Variants in RAB12 observed in about 807,000 individuals in gnomAD.
RAB12 encodes the protein RAB12, member RAS oncogene family.
In RAB12, 11 loss-of-function variants were observed where a neutral mutation model predicts 28.4. The ratio of observed to expected loss-of-function variants is 0.39; its 90% CI spans 0.24 to 0.64. RAB12 has a LOEUF of 0.64. RAB12 is among the 30% of genes least tolerant of loss of function. RAB12 has a pLI of 0.50. For missense variants in RAB12, 276 were observed against 351.1 expected (o/e 0.79, Z 1.71); for synonymous variants, 138 against 145.3 (o/e 0.95, Z 0.36).
intron 3 of RAB12, chr18:8,635,245 T>A (rs1367161457): frequency 9.7e-6 from 2 of 206,806 alleles, no homozygotes; most frequent in African/African-American, 4.7e-5. Context: ...GTGTAGAGCT[T>A]TGCCTGTATG....
At chr18:8,634,627 C>T (rs114493835) in intron 3 of RAB12, among the ~76,000 whole-genome samples, 1,620 of 152,134 alleles carry the variant, frequency 0.011, 27 homozygotes, top group African/African-American at 0.035. Context: ...TGCTGTCTTC[C>T]TTTTGTCATC....
intron 1 of RAB12, among the ~76,000 whole-genome samples, chr18:8,619,217 C>T (rs964688992): frequency 6.6e-6 from 1 of 152,116 alleles, no homozygotes. Flanking sequence ...TTTGGTGGAA[C>T]GAGGAGAAGT....
chr18:8,612,884 C>T (rs906027343), intron 1 of RAB12, among the ~76,000 whole-genome samples: 7 of 152,140 alleles, frequency 4.6e-5, no homozygotes, highest in African/African-American at 1.7e-4. Context: ...AGGCTGGTCT[C>T]AAACTCCTAG....
At chr18:8,612,931 A>T (rs2096004645) in intron 1 of RAB12, among the ~76,000 whole-genome samples, 1 of 152,244 alleles carries the variant, frequency 6.6e-6, no homozygotes, top group Admixed American at 6.5e-5. Flanking sequence ...CTCAGATTAC[A>T]GGCGTAAGCC....
chr18:8,631,348 A>G (rs1297280773), intron 2 of RAB12, among the ~76,000 whole-genome samples: 2 of 152,220 alleles, frequency 1.3e-5, no homozygotes, highest in Non-Finnish European at 2.9e-5. Flanking sequence ...ACAGCCTACC[A>G]TAGAGGTGTT....
rs779590155 is a variant in RAB12, at chr18:8,636,391, C to T, written c.909+34C>T. On this transcript the variant is annotated intron_variant, in intron 5 of 5. Transcript: ENST00000649141. Reference sequence around the variant, plus strand: ...AAGAATCTACATTATAAAAGTATATCATCTGAAACCTGTTGTTTCCTTTAT... The same window carrying T: ...AAGAATCTACATTATAAAAGTATATTATCTGAAACCTGTTGTTTCCTTTAT... The T allele has an allele frequency of 4.8e-6, 6 of 1,248,290 alleles. No individual in the cohort carries two copies. The South Asian group carries it at 8.2e-5, about 17-fold the overall frequency. The allele number at this position is 1,248,290 out of a possible 1,614,324, so 77.3% of individuals were successfully genotyped here.
chr18:8,609,672 G>A lies in RAB12; in HGVS notation c.233G>A (p.Arg78His). ...EAEGAPGPGA[R>H]SRGAGGGGRR... Reference sequence around the variant, plus strand: ...GAGGGGGCGCCGGGGCCCGGGGCGCGCAGCCGGGGGGCGGGCGGCGGCGGG... The same window carrying A: ...GAGGGGGCGCCGGGGCCCGGGGCGCACAGCCGGGGGGCGGGCGGCGGCGGG... Residue 78 changes from arginine to histidine, a missense_variant, in exon 1 of 6, where the codon CGC (arginine) becomes CAC (histidine). Around this residue, in one of 4 missense-constraint regions of RAB12, gnomAD observed 72 missense variants for 55.5 expected, o/e 1.30. Transcript: ENST00000649141. 1 of 906,466 alleles carries A rather than the reference G, an allele frequency of 1.1e-6. No homozygotes were observed. Among genetic ancestry groups the A allele is most frequent in the African/African-American group, 1.8e-5 (1 of 54,974 alleles). 56.2% of individuals were successfully genotyped at this position (906,466 alleles called of 1,614,324 possible).
At chr18:8,636,060 T>C (rs1353998075) in intron 4 of RAB12, 193 bp from the exon 5 acceptor site, 2 of 557,564 alleles carry the variant, frequency 3.6e-6, no homozygotes, top group African/African-American at 3.8e-5. Flanking sequence ...TCAGGATTTT[T>C]ATTGTCTTTT....
At chr18:8,629,715 G>T in intron 2 of RAB12, among the ~76,000 whole-genome samples, 1 of 152,316 alleles carries the variant, frequency 6.6e-6, no homozygotes, top group South Asian at 2.1e-4. Context: ...TTTGGTGGCA[G>T]GTCTCCTCTG....
chr18:8,622,995 A>G (rs796401388), intron 1 of RAB12, among the ~76,000 whole-genome samples: 33 of 152,324 alleles, frequency 2.2e-4, no homozygotes, highest in African/African-American at 6.5e-4. Flanking sequence ...TTGTTCCCTG[A>G]ACATTGCTGT....
At position 8,636,365 on chromosome 18, in the gene RAB12, A is replaced by C. The variant is rs1567897956; in HGVS notation, c.909+8A>C. Reference sequence around the variant, plus strand: ...GATGACATTCTGAAAAAGGTAAAAAAAAGAATCTACATTATAAAAGTATAT... The same window carrying C: ...GATGACATTCTGAAAAAGGTAAAAACAAGAATCTACATTATAAAAGTATAT... On this transcript the variant is annotated splice_region_variant and intron_variant, in intron 5 of 5. Coordinates refer to ENST00000649141, the MANE Select transcript of RAB12 (RefSeq NM_001025300.3). The C allele has an allele frequency of 3.3e-6, 5 of 1,500,032 alleles. No homozygotes were observed. In the Admixed American group the frequency reaches 8.8e-5, roughly 26 times the overall value. The allele number at this position is 1,500,032 out of a possible 1,614,324, so 92.9% of individuals were successfully genotyped here. A position where few individuals can be genotyped will look rare whatever the true frequency, so the allele number is the denominator to read the frequency against.
At position 8,635,693 on chromosome 18, in the gene RAB12, AT is replaced by A. The variant is rs1172994546; in HGVS notation, c.804+73del. The A allele has an allele frequency of 4.4e-6, 4 of 911,636 alleles. No homozygotes were observed. In the African/African-American group the frequency reaches 6.9e-5, roughly 16 times the overall value. 56.5% of individuals were successfully genotyped at this position (911,636 alleles called of 1,614,324 possible). On this transcript the variant is annotated intron_variant, in intron 4 of 5. Transcript: ENST00000649141. Reference sequence around the variant, plus strand: ...CTTGAGGTACTGTTTCTTTTAATAAATTACTTATTTTAAAAATTACAAAGAA... The same window carrying A: ...CTTGAGGTACTGTTTCTTTTAATAAATACTTATTTTAAAAATTACAAAGAA...
intron 1 of RAB12, among the ~76,000 whole-genome samples, chr18:8,623,265 T>C (rs1346006221): frequency 6.6e-6 from 1 of 152,204 alleles, no homozygotes; most frequent in African/African-American, 2.4e-5. Flanking sequence ...TAAGAAATTA[T>C]AAAAGTATTA....
At chr18:8,610,876 G>A (rs781088920) in intron 1 of RAB12, among the ~76,000 whole-genome samples, 2 of 152,162 alleles carry the variant, frequency 1.3e-5, no homozygotes, top group Non-Finnish European at 2.9e-5. Context: ...CAGGAGATTT[G>A]ATAGAATTAA....
Position 8,636,290 on chromosome 18 carries a change from C to T in RAB12, c.842C>T (p.Ala281Val). ...QQITGMRFCE[A>V]SAKDNFNVDE... ...ATCACTGGGATGCGGTTCTGTGAAGCAAGTGCCAAGGATAACTTCAATGTG... is the reference window on the plus strand; with the variant it reads ...ATCACTGGGATGCGGTTCTGTGAAGTAAGTGCCAAGGATAACTTCAATGTG... Residue 281 changes from alanine to valine, a missense_variant, in exon 5 of 6, where the codon GCA becomes GTA. By Grantham distance (64) the Ala-to-Val change is moderately conservative (BLOSUM62 0). Around this residue, in one of 4 missense-constraint regions of RAB12, gnomAD observed 127 missense variants for 161.4 expected, o/e 0.79. Transcript: ENST00000649141. 1.2e-6 allele frequency: 2 copies of T among 1,613,668 alleles called. No individual in the cohort carries two copies.
rs200644771 is a variant in RAB12, at chr18:8,639,147, C to T, written c.*885C>T. 0.13 allele frequency: 2,099 copies of T among 16,058 alleles called. 42 individuals carry two copies. Among genetic ancestry groups the T allele is most frequent in the South Asian group, 0.26 (156 of 590 alleles). 1.0% of individuals were successfully genotyped at this position (16,058 alleles called of 1,614,324 possible). A position where few individuals can be genotyped will look rare whatever the true frequency, so the allele number is the denominator to read the frequency against. On this transcript the variant is annotated 3_prime_UTR_variant, in exon 6 of 6. Transcript: ENST00000649141. ...ATTCTGATTAAGCCTAGACTGTGTT[C>T]TTTTTTTTTTTTTTTTTTTTTTTTT...
At chr18:8,619,068 A>C (rs1172903470) in intron 1 of RAB12, among the ~76,000 whole-genome samples, 1 of 152,244 alleles carries the variant, frequency 6.6e-6, no homozygotes, top group East Asian at 1.9e-4. Flanking sequence ...AACAGCCACT[A>C]TATAAAACTT....
At chr18:8,611,506 C>T (rs1428702599) in intron 1 of RAB12, among the ~76,000 whole-genome samples, 3 of 152,108 alleles carry the variant, frequency 2.0e-5, no homozygotes, top group Admixed American at 6.5e-5. Flanking sequence ...GAAGGATTTT[C>T]TAAGCCTGGC....
intron 1 of RAB12, among the ~76,000 whole-genome samples, chr18:8,617,781 A>G (rs878917945): frequency 1.3e-5 from 2 of 152,122 alleles, no homozygotes; most frequent in African/African-American, 2.4e-5. Context: ...CCCAGGTTCA[A>G]ATCTGTGCCC....
Sources: allele counts gnomAD v4.1 joint callset (sites outside exome capture counted in the v4.1 genomes callset), GRCh38; gene constraint gnomAD v4.1.1; regional missense constraint gnomAD v4.1.1; transcripts MANE v1.5; gene names NCBI Gene and HGNC (gene_info 2026-07-23, HGNC 2026-07-21).